The following ZDHHC17 variants were observed in gnomAD, a reference collection of about 807,000 sequenced individuals.
ZDHHC17 encodes the protein zDHHC palmitoyltransferase 17.
Under a neutral mutation model 90.3 loss-of-function variants are expected in ZDHHC17, and 40 were observed. The ratio of observed to expected loss-of-function variants is 0.44; its 90% CI spans 0.34 to 0.58. ZDHHC17 has a LOEUF of 0.58. ZDHHC17 is among the 20% of genes least tolerant of loss of function. ZDHHC17 has a pLI of 0.01. For synonymous variants in ZDHHC17, 235 were observed against 252.4 expected (o/e 0.93, Z 0.65); for missense variants, 614 against 780.8 (o/e 0.79, Z 2.55).
chr12:76,841,881 T>G lies in ZDHHC17; in HGVS notation c.1142-101T>G, dbSNP rs151279749. ...ACATAATGCAGAACAGTTTGTATTT[T>G]TTTGACTGGTAGGTGTTTTGTAAAA... is the stretch of plus-strand genomic sequence containing the variant. On this transcript the variant is annotated intron_variant, in intron 10 of 16. Transcript: ENST00000426126. The G allele has an allele frequency of 1.1e-3, 1,014 of 882,916 alleles. 5 individuals are homozygous for G. Among genetic ancestry groups the G allele is most frequent in the African/African-American group, 0.011 (603 of 57,340 alleles). 54.7% of individuals were successfully genotyped at this position (882,916 alleles called of 1,614,324 possible). A position where few individuals can be genotyped will look rare whatever the true frequency, so the allele number is the denominator to read the frequency against.
intron 8 of ZDHHC17, among the ~76,000 whole-genome samples, chr12:76,826,308 C>A (rs1160161213): frequency 6.6e-6 from 1 of 152,108 alleles, no homozygotes; most frequent in Admixed American, 6.6e-5. Flanking sequence ...CTTTAACAAC[C>A]AGACCAGTAC....
At chr12:76,807,167 G>C (rs1328255809) in intron 3 of ZDHHC17, among the ~76,000 whole-genome samples, 1 of 152,198 alleles carries the variant, frequency 6.6e-6, no homozygotes, top group Non-Finnish European at 1.5e-5. Context: ...TTGAGTAGCA[G>C]CATCTTAAGA....
intron 3 of ZDHHC17, among the ~76,000 whole-genome samples, chr12:76,808,477 C>T (rs1163285870): frequency 6.6e-6 from 1 of 151,958 alleles, no homozygotes; most frequent in Non-Finnish European, 1.5e-5. Flanking sequence ...TCTCTCTCTC[C>T]CCCTCTCTCA....
At chr12:76,797,844 TG>T (rs1206917242) in intron 2 of ZDHHC17, among the ~76,000 whole-genome samples, 1 of 151,964 alleles carries the variant, frequency 6.6e-6, no homozygotes, top group African/African-American at 2.4e-5. Context: ...TTTGGGAGGC[TG>T]AGGCGGGAGA....
intron 1 of ZDHHC17, among the ~76,000 whole-genome samples, chr12:76,771,700 G>A (rs758555787): frequency 4.0e-5 from 6 of 151,708 alleles, no homozygotes; most frequent in Non-Finnish European, 8.8e-5. Context: ...GATTTAATGA[G>A]GTATGAACAA....
chr12:76,812,282 A>G (rs908769446), intron 5 of ZDHHC17, among the ~76,000 whole-genome samples: 1 of 151,930 alleles, frequency 6.6e-6, no homozygotes, highest in Admixed American at 6.6e-5. Context: ...CACTTCTGCC[A>G]TCTCCCCATC....
intron 10 of ZDHHC17, among the ~76,000 whole-genome samples, chr12:76,833,026 G>T (rs1222806816): frequency 1.3e-5 from 2 of 151,998 alleles, no homozygotes; most frequent in Non-Finnish European, 2.9e-5. Flanking sequence ...ACTTTATTTT[G>T]GTTTCCTACA....
chr12:76,829,866 T>A (rs188557707), intron 10 of ZDHHC17, among the ~76,000 whole-genome samples: 223 of 152,304 alleles, frequency 1.5e-3, no homozygotes, highest in African/African-American at 5.1e-3. Context: ...TTTTAACCTG[T>A]TCCCCAGGTT....
At chr12:76,783,249 C>G (rs1952647811) in intron 1 of ZDHHC17, among the ~76,000 whole-genome samples, 2 of 152,162 alleles carry the variant, frequency 1.3e-5, no homozygotes, top group Admixed American at 6.5e-5. Flanking sequence ...TTTCACACTG[C>G]TATAAAGAAA....
intron 10 of ZDHHC17, among the ~76,000 whole-genome samples, chr12:76,838,205 T>C (rs904602375): frequency 6.6e-6 from 1 of 152,214 alleles, no homozygotes; most frequent in African/African-American, 2.4e-5. Flanking sequence ...TTAATTTGCC[T>C]TTGTTCTTAA....
At chr12:76,849,151 A>G (rs542811161) in intron 15 of ZDHHC17, among the ~76,000 whole-genome samples, 21 of 146,736 alleles carry the variant, frequency 1.4e-4, no homozygotes, top group Admixed American at 6.1e-4. Flanking sequence ...ACCCAACAAA[A>G]AAAAGAAAAT....
intron 10 of ZDHHC17, among the ~76,000 whole-genome samples, chr12:76,829,833 C>T (rs929302078): frequency 6.6e-6 from 1 of 151,960 alleles, no homozygotes; most frequent in African/African-American, 2.4e-5. Flanking sequence ...TATACTTACC[C>T]TATTTAAACA....
At chr12:76,847,540 A>G (rs1484031139) in intron 14 of ZDHHC17, among the ~76,000 whole-genome samples, 1 of 152,206 alleles carries the variant, frequency 6.6e-6, no homozygotes, top group Non-Finnish European at 1.5e-5. Context: ...CTCCTACAGC[A>G]GGAGATTTTG....
Position 76,850,848 on chromosome 12 carries a change from C to T in ZDHHC17, c.1762C>T (p.His588Tyr). The T allele has an allele frequency of 6.2e-7, 1 of 1,613,232 alleles. No homozygotes were observed. ...TTCTTTTTGGGGTGCTGTTTTTAGCCATGGATGTGTAAGAAATATTATAGA... is the reference window on the plus strand; with the variant it reads ...TTCTTTTTGGGGTGCTGTTTTTAGCTATGGATGTGTAAGAAATATTATAGA... The part of the protein sequence containing the change: ...TTTSIESPFN[H>Y]GCVRNIIDFF... The change falls in exon 17 of 17, where the codon CAT becomes TAT. Residue 588 changes from histidine (H) to tyrosine (Y), a missense_variant and splice_region_variant. By Grantham distance (83) the His-to-Tyr change is moderately conservative. This residue lies in a region of ZDHHC17 where 111 missense variants were observed against 179.8 expected (regional missense o/e 0.62). Transcript: ENST00000426126.
intron 4 of ZDHHC17, among the ~76,000 whole-genome samples, chr12:76,809,322 G>T (rs183699513): frequency 6.6e-6 from 1 of 150,568 alleles, no homozygotes; most frequent in Admixed American, 6.7e-5. Flanking sequence ...TGGCCATGCT[G>T]ATATTAATTC....
At chr12:76,827,142 T>A in intron 9 of ZDHHC17, 92 bp downstream of exon 9, 1 of 1,317,642 alleles carries the variant, frequency 7.6e-7, no homozygotes, top group Non-Finnish European at 1.0e-6. Flanking sequence ...ATGTTGTACA[T>A]TTGATCTTAA....
intron 7 of ZDHHC17, among the ~76,000 whole-genome samples, chr12:76,818,534 A>G (rs553262105): frequency 2.0e-5 from 3 of 152,342 alleles, no homozygotes; most frequent in Non-Finnish European, 4.4e-5. Context: ...GACCACATCC[A>G]GTGAGAGTGA....
At chr12:76,776,816 T>C (rs1362834604) in intron 1 of ZDHHC17, among the ~76,000 whole-genome samples, 1 of 152,242 alleles carries the variant, frequency 6.6e-6, no homozygotes, top group Non-Finnish European at 1.5e-5. Context: ...ATTGGACAGC[T>C]TTGTTCTGGA....
At position 76,801,170 on chromosome 12, in the gene ZDHHC17, G is replaced by A. The variant is rs1592474275; in HGVS notation, c.197+3633G>A. ...CAAAGTGCTGGGATTACAGGCGAGA[G>A]CCACCGCACCTGGCCAGCATTTGTT... On this transcript the variant is annotated intron_variant, in intron 2 of 16. Coordinates refer to ENST00000426126, the MANE Select transcript of ZDHHC17 (RefSeq NM_015336.4). Among the ~76,000 whole-genome samples the A allele has an allele frequency of 3.3e-5, 5 of 150,978 alleles. No individual in the cohort carries two copies. In the East Asian group the frequency reaches 9.9e-4, roughly 30 times the overall value.
Sources: allele counts gnomAD v4.1 joint callset (sites outside exome capture counted in the v4.1 genomes callset), GRCh38; gene constraint gnomAD v4.1.1; regional missense constraint gnomAD v4.1.1; transcripts MANE v1.5; gene names NCBI Gene and HGNC (gene_info 2026-07-23, HGNC 2026-07-21).